The following LRP1B variants were observed in gnomAD, a reference collection of about 807,000 sequenced individuals.
LRP1B encodes the protein low-density lipoprotein receptor-related protein 1B.
LRP1B carries 217 observed loss-of-function variants against 556.6 expected under a neutral mutation model. The ratio of observed to expected loss-of-function variants is 0.39; its 90% CI spans 0.35 to 0.44. The LOEUF is 0.44. Among genes scored for constraint, LRP1B ranks in the 20% least tolerant of loss-of-function variants. The pLI is 1.00. For missense variants in LRP1B, 5,053 were observed against 5,620.8 expected (o/e 0.90, Z 3.23); for synonymous variants, 2,047 against 1,865.8 (o/e 1.10, Z -2.50).
At chr2:140,375,225 C>T (rs1018124314) in intron 68 of LRP1B, among the ~76,000 whole-genome samples, 19 of 149,896 alleles carry the variant, frequency 1.3e-4, no homozygotes, top group African/African-American at 4.6e-4. Context: ...CCCTTACAGT[C>T]GTTTTTCTTT....
chr2:141,627,047 G>A (rs1313271277), intron 2 of LRP1B, among the ~76,000 whole-genome samples: 1 of 152,186 alleles, frequency 6.6e-6, no homozygotes. Flanking sequence ...AAGCAATCAA[G>A]ATGTTCTTCA....
intron 60 of LRP1B, among the ~76,000 whole-genome samples, chr2:140,458,799 A>T (rs886637635): frequency 2.0e-5 from 3 of 151,988 alleles, no homozygotes; most frequent in African/African-American, 4.8e-5. Context: ...AATTTATATT[A>T]TCAACTAAAG....
intron 6 of LRP1B, among the ~76,000 whole-genome samples, chr2:141,194,978 T>C (rs764581052): frequency 2.2e-4 from 34 of 152,126 alleles, no homozygotes; most frequent in African/African-American, 8.0e-4. Context: ...TAATAAGATA[T>C]ACAGTAGTTG....
intron 11 of LRP1B, among the ~76,000 whole-genome samples, chr2:141,027,601 T>C (rs916134073): frequency 6.6e-6 from 1 of 152,130 alleles, no homozygotes; most frequent in African/African-American, 2.4e-5. Flanking sequence ...TTGAATAAAG[T>C]CTTTGATTAA....
chr2:140,932,198 C>G (rs1206090714), intron 20 of LRP1B, among the ~76,000 whole-genome samples: 1 of 152,028 alleles, frequency 6.6e-6, no homozygotes, highest in Non-Finnish European at 1.5e-5. Flanking sequence ...TCATCCCTTT[C>G]TTCTCCCTTT....
At chr2:141,905,749 G>C (rs1379544553) in intron 1 of LRP1B, among the ~76,000 whole-genome samples, 1 of 135,832 alleles carries the variant, frequency 7.4e-6, no homozygotes, top group Non-Finnish European at 1.6e-5. Flanking sequence ...GGAGAAAATG[G>C]ATCTGGTTTG....
chr2:142,076,973 A>G (rs952446051), intron 1 of LRP1B, among the ~76,000 whole-genome samples: 2 of 152,070 alleles, frequency 1.3e-5, no homozygotes, highest in African/African-American at 4.8e-5. Flanking sequence ...TGTGTCACAG[A>G]ATTAAATGTT....
intron 43 of LRP1B, among the ~76,000 whole-genome samples, chr2:140,595,487 G>A (rs767889977): frequency 2.4e-4 from 37 of 151,864 alleles, no homozygotes; most frequent in African/African-American, 7.5e-4. Context: ...TTAAAATGTC[G>A]CAGATTTAAT....
At chr2:142,024,855 T>C (rs1703454959) in intron 1 of LRP1B, among the ~76,000 whole-genome samples, 1 of 152,066 alleles carries the variant, frequency 6.6e-6, no homozygotes, top group Non-Finnish European at 1.5e-5. Context: ...ATTTAGATAG[T>C]TCATTCTTCC....
intron 3 of LRP1B, among the ~76,000 whole-genome samples, chr2:141,335,312 C>T (rs563232222): frequency 6.6e-6 from 1 of 152,186 alleles, no homozygotes; most frequent in Non-Finnish European, 1.5e-5. Flanking sequence ...TTCAGTTATT[C>T]TGAACAGAAG....
chr2:141,181,560 C>CA (rs926073435), intron 7 of LRP1B, among the ~76,000 whole-genome samples: 7 of 151,420 alleles, frequency 4.6e-5, no homozygotes, highest in African/African-American at 1.2e-4. Flanking sequence ...AAGAAAGAAA[C>CA]AAAAAAATGG....
intron 15 of LRP1B, among the ~76,000 whole-genome samples, chr2:141,003,765 T>C (rs868349010): frequency 1.3e-5 from 2 of 151,986 alleles, no homozygotes; most frequent in Non-Finnish European, 2.9e-5. Context: ...CAGATAGTAA[T>C]AGTACCTTCC....
intron 3 of LRP1B, among the ~76,000 whole-genome samples, chr2:141,478,705 G>T (rs1429872397): frequency 6.6e-6 from 1 of 151,790 alleles, no homozygotes; most frequent in African/African-American, 2.4e-5. Flanking sequence ...CACCACAGCC[G>T]GCTAATTTTT....
intron 3 of LRP1B, among the ~76,000 whole-genome samples, chr2:141,345,337 T>A (rs1011614335): frequency 9.2e-5 from 14 of 152,160 alleles, no homozygotes; most frequent in Admixed American, 9.2e-4. Flanking sequence ...GTTGTGGTAA[T>A]CTGTTATAGC....
chr2:140,506,331 A>T (rs1343358387), intron 53 of LRP1B, among the ~76,000 whole-genome samples: 6 of 151,932 alleles, frequency 3.9e-5, no homozygotes, highest in Non-Finnish European at 7.4e-5. Flanking sequence ...TGCGACCTCT[A>T]CTTCCTGGGT....
chr2:142,083,393 A>G (rs1705793924), intron 1 of LRP1B, among the ~76,000 whole-genome samples: 2 of 152,134 alleles, frequency 1.3e-5, no homozygotes, highest in African/African-American at 4.8e-5. Flanking sequence ...TGCAGCCTCC[A>G]TAATGCAGTT....
At chr2:141,464,459 C>G (rs1682082808) in intron 3 of LRP1B, among the ~76,000 whole-genome samples, 1 of 150,398 alleles carries the variant, frequency 6.6e-6, no homozygotes, top group African/African-American at 2.5e-5. Context: ...GTACCCCAGG[C>G]TGGAGTGCAG....
chr2:140,889,270 G>A (rs1693730379), intron 23 of LRP1B, among the ~76,000 whole-genome samples: 1 of 152,076 alleles, frequency 6.6e-6, no homozygotes, highest in Admixed American at 6.6e-5. Context: ...ATCACACATG[G>A]AGTGCTTCCT....
At chr2:140,613,695 A>G (rs1028772107) in intron 41 of LRP1B, among the ~76,000 whole-genome samples, 1 of 151,864 alleles carries the variant, frequency 6.6e-6, no homozygotes, top group Non-Finnish European at 1.5e-5. Flanking sequence ...TAAAAGACTT[A>G]AGCACTAACA....
Sources: gnomAD v4.1 joint callset for allele counts (sites outside exome capture counted in the v4.1 genomes callset) on GRCh38, gnomAD v4.1.1 for gene constraint, MANE v1.5 for transcripts, NCBI Gene and HGNC (gene_info 2026-07-23, HGNC 2026-07-21) for gene names.